Variants in ACVR2B observed in about 807,000 individuals in gnomAD.
The protein encoded by ACVR2B is activin A receptor type 2B.
Under a neutral mutation model 65.1 loss-of-function variants are expected in ACVR2B, and 18 were observed. That is an observed-to-expected ratio of 0.28 (90% CI 0.19 to 0.41). ACVR2B has a LOEUF of 0.41. Among genes scored for constraint, ACVR2B ranks in the 10% least tolerant of loss-of-function variants. The probability of loss-of-function intolerance (pLI) is 1.00; values close to 1 mark genes in which losing one functional copy is unlikely to be tolerated. For synonymous variants in ACVR2B, 298 were observed against 277.7 expected, an observed-to-expected ratio of 1.07 and a Z score of -0.73; for missense variants, 482 against 682.7, an observed-to-expected ratio of 0.71 and a Z score of 3.28.
In ACVR2B at chr3:38,488,753, C is replaced by A. The variant is rs986032730; in HGVS notation, c.*5421C>A. The A allele has an allele frequency of 6.6e-6, 1 of 152,102 alleles. No homozygotes were observed. Among genetic ancestry groups the A allele is most frequent in the Non-Finnish European group, 1.5e-5 (1 of 68,036 alleles). The allele number at this position is 152,102 out of a possible 1,614,324, so 9.4% of individuals were successfully genotyped here. A position where few individuals can be genotyped will look rare whatever the true frequency, so the allele number is the denominator to read the frequency against. On this transcript the variant is annotated 3_prime_UTR_variant, in exon 11 of 11. Coordinates refer to ENST00000352511, the MANE Select transcript of ACVR2B (RefSeq NM_001106.4). The stretch of plus-strand genomic sequence containing the variant: ...TCCTATGGCAGCTCATAGAGGTAAC[C>A]GAAGTGATTTTTCCTCAGTAATTGA...
rs149589197 is a variant in ACVR2B, at chr3:38,479,211, C to T, written c.750C>T (p.Ala250=). 4 of 1,614,010 alleles carry T rather than the reference C, an allele frequency of 2.5e-6. No individual in the cohort carries two copies. Among genetic ancestry groups the T allele is most frequent in the African/African-American group, 1.3e-5 (1 of 74,902 alleles). The change falls in exon 6 of 11, where the codon GCC becomes GCT. Residue 250 remains alanine (A), a synonymous_variant. Transcript: ENST00000352511. The part of the protein sequence containing the change: ...KHENLLQFIA[A]EKRGSNLEVE... ...AGAACCTGCTACAGTTCATTGCTGC[C>T]GAGAAGCGAGGCTCCAACCTCGAAG...
At position 38,477,864 on chromosome 3, in the gene ACVR2B, G is replaced by C. The variant is rs1709939948; in HGVS notation, c.264G>C (p.Gln88His). Residue 88 changes from glutamine to histidine, a missense_variant, in exon 3 of 11, where the codon CAG becomes CAC. This residue lies in a region of ACVR2B where 85 missense variants were observed against 137.3 expected (regional missense o/e 0.62). Transcript: ENST00000352511. The surrounding 1 kb of genome is among the most constrained non-coding windows in gnomAD (Gnocchi z 6.7). ...WLDDFNCYDR[Q>H]ECVATEENPQ... ...ATGGAAAATTCTGTGCCTCCAGGCAGGAGTGTGTGGCCACTGAGGAGAACC... is the reference window on the plus strand; with the variant it reads ...ATGGAAAATTCTGTGCCTCCAGGCACGAGTGTGTGGCCACTGAGGAGAACC... 6.2e-7 allele frequency: 1 copy of C among 1,613,968 alleles called. No individual in the cohort carries two copies. Among genetic ancestry groups the C allele is most frequent in the Non-Finnish European group, 8.5e-7 (1 of 1,179,996 alleles).
chr3:38,470,311 G>C (rs1709798251), intron 1 of ACVR2B, among the ~76,000 whole-genome samples: 1 of 152,114 alleles, frequency 6.6e-6, no homozygotes, highest in African/African-American at 2.4e-5. Flanking sequence ...TGCCAAGAGA[G>C]AAAGCAGCCA....
At position 38,483,102 on chromosome 3, in the gene ACVR2B, CAA is replaced by C; in HGVS notation, c.1345-34_1345-33del. The C allele has an allele frequency of 6.2e-7, 1 of 1,612,680 alleles. No individual in the cohort carries two copies. The highest frequency in any genetic ancestry group is 8.5e-7 in the Non-Finnish European group (1 of 1,178,798). ...GCTTTTCCTCACTGAAGGGTCCTAA[CAA>C]AGGTGTCTTTCCTGTCTGCCCTATG... On this transcript the variant is annotated intron_variant, in intron 10 of 10. Transcript: ENST00000352511. This position sits in a 1 kb window ranked among gnomAD's most constrained non-coding sequence, Gnocchi z 4.8.
In ACVR2B at chr3:38,488,475, C is replaced by T. The variant is rs574965834; in HGVS notation, c.*5143C>T. On this transcript the variant is annotated 3_prime_UTR_variant, in exon 11 of 11. Transcript: ENST00000352511. ...CATTTTTTAAAACAATTGGTGGCTC[C>T]AAAAGGCCTGCCAACAAAGAAAAGT... is the stretch of plus-strand genomic sequence containing the variant. 1.3e-5 allele frequency: 2 copies of T among 152,156 alleles called. No homozygotes were observed. Among genetic ancestry groups the T allele is most frequent in the African/African-American group, 4.8e-5 (2 of 41,516 alleles). The allele number at this position is 152,156 out of a possible 1,614,324, so 9.4% of individuals were successfully genotyped here.
intron 1 of ACVR2B, chr3:38,473,312 G>A (rs906365075): frequency 1.3e-5 from 2 of 152,306 alleles, no homozygotes; most frequent in Admixed American, 6.5e-5. Context: ...GGCCTAAGGG[G>A]GTACCATAAG....
chr3:38,481,396 C>T lies in ACVR2B; in HGVS notation c.1005C>T (p.Ala335=), dbSNP rs760786857. The T allele has an allele frequency of 1.5e-5, 24 of 1,614,082 alleles. No homozygotes were observed. The highest frequency in any genetic ancestry group is 8.0e-5 in the African/African-American group (6 of 74,938). The change falls in exon 8 of 11, where the codon GCC becomes GCT. Residue 335 remains alanine (A), a synonymous_variant. Coordinates refer to ENST00000352511, the MANE Select transcript of ACVR2B (RefSeq NM_001106.4). The surrounding 1 kb of genome is among the most constrained non-coding windows in gnomAD (Gnocchi z 4.7). ...KNVLLKSDLT[A]VLADFGLAVR... is the part of the protein sequence containing the mutation. ...TATTGCTGAAGAGCGACCTCACAGC[C>T]GTGCTGGCTGACTTTGGCTTGGCTG...
Position 38,478,215 on chromosome 3 carries a change from C to G in ACVR2B, c.445C>G (p.Leu149Val). The G allele has an allele frequency of 1.9e-6, 3 of 1,614,148 alleles. No individual in the cohort carries two copies. In the South Asian group the frequency reaches 3.3e-5, roughly 18 times the overall value. ...LAYSLLPIGG[L>V]SLIVLLAFWM... Reference sequence around the variant, plus strand: ...CTACTCACTGCTGCCCATCGGGGGCCTTTCCCTCATCGTCCTGCTGGCCTT... The same window carrying G: ...CTACTCACTGCTGCCCATCGGGGGCGTTTCCCTCATCGTCCTGCTGGCCTT... The change falls in exon 4 of 11, where the codon CTT becomes GTT. Residue 149 changes from leucine to valine, a missense_variant. Coordinates refer to ENST00000352511, the MANE Select transcript of ACVR2B (RefSeq NM_001106.4).
At chr3:38,465,230 C>T (rs986991961) in intron 1 of ACVR2B, among the ~76,000 whole-genome samples, 1 of 151,744 alleles carries the variant, frequency 6.6e-6, no homozygotes. Context: ...AACCCTGTCT[C>T]TACTAAAAAT....
chr3:38,474,347 C>T (rs1414877124), intron 1 of ACVR2B: 1 of 152,404 alleles, frequency 6.6e-6, no homozygotes, highest in Non-Finnish European at 1.5e-5. Context: ...TGCCTCAGCA[C>T]AGAGGCTTGT....
In ACVR2B at chr3:38,479,671, C is replaced by T; in HGVS notation, c.811-7C>T. 1 of 1,614,114 alleles carries T rather than the reference C, an allele frequency of 6.2e-7. No homozygotes were observed. The highest frequency in any genetic ancestry group is 8.5e-7 in the Non-Finnish European group (1 of 1,180,002). ...CTGTGCTCAAGTTCTGTGCTGTCTTCTCTCAGGGCTCCCTCACGGATTACC... is the reference window on the plus strand; with the variant it reads ...CTGTGCTCAAGTTCTGTGCTGTCTTTTCTCAGGGCTCCCTCACGGATTACC... On this transcript the variant is annotated splice_region_variant and splice_polypyrimidine_tract_variant and intron_variant, in intron 6 of 10. Coordinates refer to ENST00000352511, the MANE Select transcript of ACVR2B (RefSeq NM_001106.4).
chr3:38,492,803 CATACA>C lies in ACVR2B; in HGVS notation c.*9472_*9476del, dbSNP rs1559663028. On this transcript the variant is annotated 3_prime_UTR_variant, in exon 11 of 11. Coordinates refer to ENST00000352511, the MANE Select transcript of ACVR2B (RefSeq NM_001106.4). Reference sequence around the variant, plus strand: ...ACACACACACACACACACACACACACATACACCTAAAATGGCCTAAAGCAGACATC... The same window carrying C: ...ACACACACACACACACACACACACACCCTAAAATGGCCTAAAGCAGACATC... 1.2e-4 allele frequency: 9 copies of C among 77,374 alleles called. No individual in the cohort carries two copies. Among genetic ancestry groups the C allele is most frequent in the Non-Finnish European group, 1.4e-4 (5 of 35,182 alleles). 4.8% of individuals were successfully genotyped at this position (77,374 alleles called of 1,614,324 possible).
chr3:38,455,173 G>A (rs1709525791), intron 1 of ACVR2B, among the ~76,000 whole-genome samples: 1 of 152,166 alleles, frequency 6.6e-6, no homozygotes, highest in Admixed American at 6.5e-5. Context: ...GGGCGCGGGC[G>A]TAAACAAGCG....
chr3:38,479,411 T>C, intron 6 of ACVR2B, 140 bp downstream of exon 6: 1 of 1,320,276 alleles, frequency 7.6e-7, no homozygotes, highest in Middle Eastern at 2.2e-4. Context: ...ACTATGGGGT[T>C]ACTCCTGCCA....
Position 38,459,542 on chromosome 3 carries a change from AGC to A in ACVR2B, c.52+5170_52+5171del. On this transcript the variant is annotated intron_variant, in intron 1 of 10. Coordinates refer to ENST00000352511, the MANE Select transcript of ACVR2B (RefSeq NM_001106.4). ...GAGCTAAGGCTAGCCCTGTCTGCCA[AGC>A]GGAGCACTGGGGTTGTAGCAGGCCG... is the stretch of plus-strand genomic sequence containing the variant. 3.1e-6 allele frequency: 3 copies of A among 977,312 alleles called. No homozygotes were observed. In the South Asian group the frequency reaches 1.4e-4, roughly 46 times the overall value. The allele number at this position is 977,312 out of a possible 1,614,324, so 60.5% of individuals were successfully genotyped here.
chr3:38,461,465 A>G (rs1279224829), intron 1 of ACVR2B, among the ~76,000 whole-genome samples: 2 of 152,128 alleles, frequency 1.3e-5, no homozygotes, highest in African/African-American at 4.8e-5. Context: ...CAGAAGGGTT[A>G]GAGAGATGAA....
chr3:38,466,379 A>G (rs1376920913), intron 1 of ACVR2B, among the ~76,000 whole-genome samples: 1 of 152,220 alleles, frequency 6.6e-6, no homozygotes, highest in Non-Finnish European at 1.5e-5. Flanking sequence ...ACCACAAAGA[A>G]ATGATAAATG....
rs896718744 is a variant in ACVR2B at position 38,481,231 on chromosome 3, G to C, written c.960-120G>C. The C allele has an allele frequency of 2.3e-5, 19 of 843,360 alleles. No homozygotes were observed. In the Admixed American group the frequency reaches 2.7e-4, roughly 12 times the overall value. The allele number at this position is 843,360 out of a possible 1,614,324, so 52.2% of individuals were successfully genotyped here. Reference sequence around the variant, plus strand: ...GTGCTGCTTCACCTCTGCACCCCAGGTAGGGTGGGATGGCCTGGTCTGGGG... The same window carrying C: ...GTGCTGCTTCACCTCTGCACCCCAGCTAGGGTGGGATGGCCTGGTCTGGGG... On this transcript the variant is annotated intron_variant, in intron 7 of 10. Transcript: ENST00000352511. This position sits in a 1 kb window ranked among gnomAD's most constrained non-coding sequence, Gnocchi z 4.7.
intron 1 of ACVR2B, chr3:38,454,718 A>T: frequency 4.8e-6 from 1 of 208,714 alleles, no homozygotes; most frequent in Non-Finnish European, 9.6e-6. Context: ...AAGGCGGCCA[A>T]GAGGGGTGGG....
Sources: allele counts gnomAD v4.1 joint callset (sites outside exome capture counted in the v4.1 genomes callset), GRCh38; gene constraint gnomAD v4.1.1; regional missense constraint gnomAD v4.1.1; non-coding constraint Gnocchi (gnomAD v3.1); transcripts MANE v1.5; gene names NCBI Gene and HGNC (gene_info 2026-07-23, HGNC 2026-07-21).